Variants in MRPS23 observed in about 807,000 individuals in gnomAD.
MRPS23 encodes mitochondrial ribosomal protein S23, also known as small ribosomal subunit protein mS23.
MRPS23 carries 14 observed loss-of-function variants against 19.8 expected under a neutral mutation model. That is an observed-to-expected ratio of 0.71 (90% confidence interval 0.47 to 1.11). The LOEUF is 1.11. MRPS23 is among the 50% of genes least tolerant of loss of function. MRPS23 has a pLI of 0.00. For missense variants in MRPS23, 242 were observed against 236.7 expected, an observed-to-expected ratio of 1.02 and a Z score of -0.15; for synonymous variants, 113 against 89.7, an observed-to-expected ratio of 1.26 and a Z score of -1.47.
intron 2 of MRPS23, among the ~76,000 whole-genome samples, chr17:57,847,677 AC>A (rs2073785447): frequency 1.4e-5 from 2 of 137,994 alleles, no homozygotes; most frequent in African/African-American, 5.3e-5. Flanking sequence ...AAAAAAAAAT[AC>A]TTAGATCAGA....
At position 57,846,223 on chromosome 17, in the gene MRPS23, T is replaced by C. The variant is rs1288997229; in HGVS notation, c.215+3017A>G. On this transcript the variant is annotated intron_variant, in intron 2 of 4. Coordinates refer to ENST00000313608, the MANE Select transcript of MRPS23 (RefSeq NM_016070.4). ...AGGGAGGTGGGGGGCAGCCCCCGCC[T>C]GGCCAGCCGCCCCGTCCGGGAGGGA... Among the ~76,000 whole-genome samples, 15 of 114,250 alleles carry C rather than the reference T, an allele frequency of 1.3e-4. 1 individual carries two copies. Among genetic ancestry groups the C allele is most frequent in the South Asian group, 9.5e-4 (3 of 3,168 alleles). 75.0% of individuals were successfully genotyped at this position (114,250 alleles called of 152,430 possible).
At chr17:57,842,249 A>G (rs922725585) in intron 2 of MRPS23, among the ~76,000 whole-genome samples, 2 of 152,198 alleles carry the variant, frequency 1.3e-5, no homozygotes, top group African/African-American at 4.8e-5. Context: ...GCTAGCCTCA[A>G]GAGATCCTCC....
rs1239739635 is a variant in MRPS23, at chr17:57,838,997, T to C, written c.*786A>G. On this transcript the variant is annotated 3_prime_UTR_variant, in exon 5 of 5. Coordinates refer to ENST00000313608, the MANE Select transcript of MRPS23 (RefSeq NM_016070.4). ...AGGCAGGGAAGTTGATAAGGACTTG[T>C]AGGCACACTTTGGCCCCAGGGAGGC... The C allele has an allele frequency of 6.6e-6, 1 of 152,268 alleles. No individual in the cohort carries two copies. The highest frequency in any genetic ancestry group is 2.1e-4 in the South Asian group (1 of 4,834). The allele number at this position is 152,268 out of a possible 1,614,324, so 9.4% of individuals were successfully genotyped here.
chr17:57,834,946 G>A lies in MRPS23; in HGVS notation c.*4837C>T, dbSNP rs1236989188. On this transcript the variant is annotated 3_prime_UTR_variant, in exon 5 of 5. Transcript: ENST00000313608. ...AAGAAGAATCAGGCTAGCCTTTTAAGGACATCATCAAAAATCAGGCCTACC... is the reference window on the plus strand; with the variant it reads ...AAGAAGAATCAGGCTAGCCTTTTAAAGACATCATCAAAAATCAGGCCTACC... 6.6e-6 allele frequency: 1 copy of A among 152,144 alleles called. No homozygotes were observed. The highest frequency in any genetic ancestry group is 1.5e-5 in the Non-Finnish European group (1 of 68,034). 9.4% of individuals were successfully genotyped at this position (152,144 alleles called of 1,614,324 possible). A position where few individuals can be genotyped will look rare whatever the true frequency, so the allele number is the denominator to read the frequency against.
At chr17:57,848,451 T>C (rs1332774035) in intron 2 of MRPS23, among the ~76,000 whole-genome samples, 2 of 151,740 alleles carry the variant, frequency 1.3e-5, no homozygotes, top group African/African-American at 4.9e-5. Context: ...CTCGGCTCAC[T>C]GCAACCTCCA....
intron 4 of MRPS23, 55 bp from the exon 5 acceptor site, chr17:57,839,990 T>C: frequency 1.9e-6 from 3 of 1,601,884 alleles, no homozygotes; most frequent in South Asian, 2.2e-5. Context: ...ACTCAATTAA[T>C]TCGCTAAAGA....
chr17:57,846,310 C>G (rs1234804370), intron 2 of MRPS23, among the ~76,000 whole-genome samples: 1 of 148,842 alleles, frequency 6.7e-6, no homozygotes, highest in Non-Finnish European at 1.5e-5. Flanking sequence ...GGGGCACCCC[C>G]GCCCGGCCAC....
chr17:57,839,090 A>G lies in MRPS23; in HGVS notation c.*693T>C, dbSNP rs1266321415. 1.3e-5 allele frequency: 2 copies of G among 152,244 alleles called. No homozygotes were observed. The highest frequency in any genetic ancestry group is 3.8e-4 in the East Asian group (2 of 5,206). The allele number at this position is 152,244 out of a possible 1,614,324, so 9.4% of individuals were successfully genotyped here. On this transcript the variant is annotated 3_prime_UTR_variant, in exon 5 of 5. Coordinates refer to ENST00000313608, the MANE Select transcript of MRPS23 (RefSeq NM_016070.4). ...CTTTCTTGGCAATCCTGTTATCTAC[A>G]CCATATGAATCCAGTCTTTAGCTGG...
intron 3 of MRPS23, 52 bp downstream of exon 3, chr17:57,841,131 C>T (rs557360407): frequency 7.5e-6 from 12 of 1,609,114 alleles, no homozygotes; most frequent in African/African-American, 1.3e-5. Flanking sequence ...AAATGGATAA[C>T]AAAATCCTTA....
chr17:57,848,973 T>A, intron 2 of MRPS23: 1 of 456,532 alleles, frequency 2.2e-6, no homozygotes, highest in Non-Finnish European at 3.9e-6. Context: ...TGCAAAGAGC[T>A]TAGTACAGTG....
At chr17:57,846,002 G>A (rs1320501456) in intron 2 of MRPS23, among the ~76,000 whole-genome samples, 1 of 152,000 alleles carries the variant, frequency 6.6e-6, no homozygotes, top group Non-Finnish European at 1.5e-5. Context: ...CCACAACAGG[G>A]GCAGTATGAA....
At chr17:57,847,209 C>A (rs1035703150) in intron 2 of MRPS23, among the ~76,000 whole-genome samples, 1 of 151,154 alleles carries the variant, frequency 6.6e-6, no homozygotes, top group African/African-American at 2.4e-5. Flanking sequence ...AGGAGAACAG[C>A]TTGAACCCGG....
chr17:57,842,707 T>C (rs531800793), intron 2 of MRPS23, among the ~76,000 whole-genome samples: 10 of 151,880 alleles, frequency 6.6e-5, no homozygotes, highest in Non-Finnish European at 1.3e-4. Context: ...TACGAGCACC[T>C]ATCTCCCCAC....
Position 57,838,533 on chromosome 17 carries a change from C to T in MRPS23, c.*1250G>A, listed in dbSNP as rs1465939788. On this transcript the variant is annotated 3_prime_UTR_variant, in exon 5 of 5. Coordinates refer to ENST00000313608, the MANE Select transcript of MRPS23 (RefSeq NM_016070.4). ...TTTCACCTGCTTTTTAAGTCCTCTT[C>T]CCAAGGTCTGGCCCGATGTTTGGTC... 6.6e-6 allele frequency: 1 copy of T among 152,124 alleles called. No individual in the cohort carries two copies. The highest frequency in any genetic ancestry group is 1.5e-5 in the Non-Finnish European group (1 of 68,038). The allele number at this position is 152,124 out of a possible 1,614,324, so 9.4% of individuals were successfully genotyped here. A position where few individuals can be genotyped will look rare whatever the true frequency, so the allele number is the denominator to read the frequency against.
chr17:57,838,395 T>G lies in MRPS23; in HGVS notation c.*1388A>C, dbSNP rs1488011370. 2 of 148,232 alleles carry G rather than the reference T, an allele frequency of 1.3e-5. No individual in the cohort carries two copies. The highest frequency in any genetic ancestry group is 5.0e-5 in the African/African-American group (2 of 40,176). 9.2% of individuals were successfully genotyped at this position (148,232 alleles called of 1,614,324 possible). A position where few individuals can be genotyped will look rare whatever the true frequency, so the allele number is the denominator to read the frequency against. On this transcript the variant is annotated 3_prime_UTR_variant, in exon 5 of 5. Coordinates refer to ENST00000313608, the MANE Select transcript of MRPS23 (RefSeq NM_016070.4). Reference sequence around the variant, plus strand: ...AATCCAGACATGAAGGAAAAAAACATTTTTTAAATATTCATCATTGTGGCA... The same window carrying G: ...AATCCAGACATGAAGGAAAAAAACAGTTTTTAAATATTCATCATTGTGGCA...
chr17:57,841,201 A>G lies in MRPS23; in HGVS notation c.275T>C (p.Phe92Ser). Reference sequence around the variant, plus strand: ...GGCTTACCGTTGACAGGTAGACTTGAAGTTTGGATTGAATAGATCAAAAGC... The same window carrying G: ...GGCTTACCGTTGACAGGTAGACTTGGAGTTTGGATTGAATAGATCAAAAGC... ...QRAFDLFNPN[F>S]KSTCQRFVEK... The change falls in exon 3 of 5, where the codon TTC becomes TCC. Residue 92 changes from phenylalanine (F) to serine (S), a missense_variant. Coordinates refer to ENST00000313608, the MANE Select transcript of MRPS23 (RefSeq NM_016070.4). The G allele has an allele frequency of 3.1e-6, 5 of 1,614,194 alleles. No homozygotes were observed. The highest frequency in any genetic ancestry group is 4.2e-6 in the Non-Finnish European group (5 of 1,180,036).
chr17:57,848,498 C>A (rs1555653830), intron 2 of MRPS23, among the ~76,000 whole-genome samples: 1 of 151,848 alleles, frequency 6.6e-6, no homozygotes, highest in Non-Finnish European at 1.5e-5. Flanking sequence ...TCTCAGCCTT[C>A]CGAGTAGCTG....
rs2073695829 is a variant in MRPS23 at position 57,834,920 on chromosome 17, CAAG to C, written c.*4860_*4862del. ...CGATACAAAGTGTTCTACAAAACTA[CAAG>C]AAGAATCAGGCTAGCCTTTTAAGGA... On this transcript the variant is annotated 3_prime_UTR_variant, in exon 5 of 5. Coordinates refer to ENST00000313608, the MANE Select transcript of MRPS23 (RefSeq NM_016070.4). 6 of 152,164 alleles carry C rather than the reference CAAG, an allele frequency of 3.9e-5. No homozygotes were observed. Among genetic ancestry groups the C allele is most frequent in the Admixed American group, 3.3e-4 (5 of 15,268 alleles). 9.4% of individuals were successfully genotyped at this position (152,164 alleles called of 1,614,324 possible).
Position 57,836,075 on chromosome 17 carries a change from C to G in MRPS23, c.*3708G>C, listed in dbSNP as rs2144869443. The G allele has an allele frequency of 6.6e-6, 1 of 151,948 alleles. No homozygotes were observed. The highest frequency in any genetic ancestry group is 1.9e-4 in the East Asian group (1 of 5,166). The allele number at this position is 151,948 out of a possible 1,614,324, so 9.4% of individuals were successfully genotyped here. ...GTTCAAGCGATTCTCCTGCCTCAGC[C>G]TGCCGAGTAGTTGGGATTACAGGAG... On this transcript the variant is annotated 3_prime_UTR_variant, in exon 5 of 5. Transcript: ENST00000313608.
Sources: gnomAD v4.1 joint callset for allele counts (sites outside exome capture counted in the v4.1 genomes callset) on GRCh38, gnomAD v4.1.1 for gene constraint, MANE v1.5 for transcripts, NCBI Gene and HGNC (gene_info 2026-07-23, HGNC 2026-07-21) for gene names.